RGS6: variants seen among roughly 807,000 people sequenced by gnomAD.
RGS6 encodes regulator of G-protein signaling 6.
In RGS6, 30 loss-of-function variants were observed where a neutral mutation model predicts 78.5. The observed-to-expected ratio is 0.38, with a 90% confidence interval of 0.29 to 0.52. RGS6 has a LOEUF of 0.52. RGS6 is among the 20% of genes least tolerant of loss of function. The pLI is 0.85. For synonymous variants in RGS6, 206 were observed against 206.0 expected (o/e 1.00, Z 0.00); for missense variants, 495 against 609.7 (o/e 0.81, Z 1.98).
At chr14:72,465,736 G>T (rs753302294) in intron 6 of RGS6, 22 bp from the exon 7 acceptor site, 1 of 1,597,178 alleles carries the variant, frequency 6.3e-7, no homozygotes, top group Non-Finnish European at 8.6e-7. Context: ...TGTACATGTT[G>T]TCATTTCCTT....
Position 72,418,820 on chromosome 14 carries a change from G to A in RGS6, c.185-35708G>A, listed in dbSNP as rs978390355. ...GTCACAAGTGGTCAGATGAATTACA[G>A]CCATAGCACCATATAGATAAGAGGC... On this transcript the variant is annotated intron_variant, in intron 3 of 17. Coordinates refer to ENST00000553525, the MANE Select transcript of RGS6 (RefSeq NM_001204424.2). Among the ~76,000 whole-genome samples, 4 of 152,218 alleles carry A rather than the reference G, an allele frequency of 2.6e-5. No homozygotes were observed. In the East Asian group the frequency reaches 7.7e-4, roughly 29 times the overall value.
intron 12 of RGS6, among the ~76,000 whole-genome samples, chr14:72,479,582 T>A (rs2096322994): frequency 6.6e-6 from 1 of 152,198 alleles, no homozygotes; most frequent in Non-Finnish European, 1.5e-5. Flanking sequence ...TCTATGCAAA[T>A]GTGCTGGAAA....
At chr14:72,009,588 TATATG>T (rs1178153439) in intron 2 of RGS6, among the ~76,000 whole-genome samples, 1 of 152,224 alleles carries the variant, frequency 6.6e-6, no homozygotes, top group Admixed American at 6.5e-5. Flanking sequence ...TGAATAATAT[TATATG>T]AGTCCTGTGA....
intron 2 of RGS6, among the ~76,000 whole-genome samples, chr14:72,194,186 A>T (rs2039444831): frequency 6.6e-6 from 1 of 152,172 alleles, no homozygotes; most frequent in African/African-American, 2.4e-5. Context: ...TTCATTCACC[A>T]TTGTTGCTGT....
chr14:71,981,238 G>C (rs566912921), intron 2 of RGS6, among the ~76,000 whole-genome samples: 14 of 150,552 alleles, frequency 9.3e-5, no homozygotes, highest in African/African-American at 3.2e-4. Flanking sequence ...TAATTTGATC[G>C]TCTGAAGCCT....
At chr14:72,079,346 TATC>T (rs1224558900) in intron 2 of RGS6, among the ~76,000 whole-genome samples, 1 of 152,190 alleles carries the variant, frequency 6.6e-6, no homozygotes, top group East Asian at 1.9e-4. Flanking sequence ...TTAGCTATAT[TATC>T]ATATATTTAT....
At chr14:72,297,482 G>A (rs955230152) in intron 2 of RGS6, among the ~76,000 whole-genome samples, 1 of 150,572 alleles carries the variant, frequency 6.6e-6, no homozygotes, top group Non-Finnish European at 1.5e-5. Flanking sequence ...GTGCAGGTTA[G>A]TTACATATGT....
chr14:72,420,235 C>T (rs944932490), intron 3 of RGS6, among the ~76,000 whole-genome samples: 3 of 152,136 alleles, frequency 2.0e-5, no homozygotes, highest in African/African-American at 4.8e-5. Context: ...GAGGGTGTTA[C>T]GTTTTTATAA....
At chr14:72,288,222 T>C (rs1344397118) in intron 2 of RGS6, among the ~76,000 whole-genome samples, 1 of 152,222 alleles carries the variant, frequency 6.6e-6, no homozygotes, top group Non-Finnish European at 1.5e-5. Context: ...ATGGAAATAT[T>C]GTATATAGGT....
At chr14:71,884,995 A>G in the RGS6 span, among the ~76,000 whole-genome samples, 1 of 152,184 alleles carries the variant, frequency 6.6e-6, no homozygotes, top group Non-Finnish European at 1.5e-5. Flanking sequence ...CCTGACCTCC[A>G]CCATCCCCAT....
At chr14:72,239,475 C>T (rs967729489) in intron 2 of RGS6, among the ~76,000 whole-genome samples, 2 of 152,194 alleles carry the variant, frequency 1.3e-5, no homozygotes, top group African/African-American at 2.4e-5. Context: ...GCTGAATTAT[C>T]ATTTTTAGAG....
chr14:72,118,122 T>G (rs2095950231), intron 2 of RGS6, among the ~76,000 whole-genome samples: 2 of 152,038 alleles, frequency 1.3e-5, no homozygotes, highest in Non-Finnish European at 2.9e-5. Flanking sequence ...ATGAACATCC[T>G]TGCTGTGAGT....
At chr14:72,488,971 T>C (rs554131386) in intron 12 of RGS6, among the ~76,000 whole-genome samples, 2 of 152,334 alleles carry the variant, frequency 1.3e-5, no homozygotes, top group East Asian at 3.9e-4. Flanking sequence ...TCAATCCCTA[T>C]GTTCTACTTC....
intron 2 of RGS6, among the ~76,000 whole-genome samples, chr14:72,087,280 G>A (rs565086281): frequency 4.6e-5 from 7 of 152,108 alleles, no homozygotes; most frequent in South Asian, 2.1e-4. Context: ...ACAGGTGCAT[G>A]CTACCATGCC....
chr14:71,985,808 T>C (rs1179360545), intron 2 of RGS6, among the ~76,000 whole-genome samples: 2 of 152,214 alleles, frequency 1.3e-5, no homozygotes, highest in African/African-American at 2.4e-5. Flanking sequence ...TTGGAACCCT[T>C]CCAAGACATT....
intron 2 of RGS6, among the ~76,000 whole-genome samples, chr14:72,269,369 G>A (rs1332868254): frequency 1.3e-5 from 2 of 152,040 alleles, no homozygotes; most frequent in African/African-American, 4.8e-5. Context: ...CCTAGCCCAC[G>A]TTATCTCTGG....
chr14:72,580,569 A>G, the RGS6 span, among the ~76,000 whole-genome samples: 1 of 152,186 alleles, frequency 6.6e-6, no homozygotes, highest in African/African-American at 2.4e-5. Flanking sequence ...TAGGGCAAGG[A>G]GAAAGGAAGG....
chr14:71,946,797 AC>A (rs1335486420), intron 1 of RGS6, among the ~76,000 whole-genome samples: 11 of 151,914 alleles, frequency 7.2e-5, no homozygotes, highest in Non-Finnish European at 1.5e-5. Flanking sequence ...AATATTTAAT[AC>A]CCCCCATACA....
At chr14:72,429,607 T>A (rs1028372840) in intron 3 of RGS6, among the ~76,000 whole-genome samples, 1 of 152,126 alleles carries the variant, frequency 6.6e-6, no homozygotes, top group African/African-American at 2.4e-5. Context: ...AAATCTGCAT[T>A]TTTAGAGAAG....
Sources: allele counts gnomAD v4.1 joint callset (sites outside exome capture counted in the v4.1 genomes callset), GRCh38; gene constraint gnomAD v4.1.1; transcripts MANE v1.5; gene names NCBI Gene and HGNC (gene_info 2026-07-23, HGNC 2026-07-21).